THSD4: variants seen among roughly 807,000 people sequenced by gnomAD.
The protein encoded by THSD4 is thrombospondin type-1 domain-containing protein 4.
In THSD4, 69 loss-of-function variants were observed where a neutral mutation model predicts 119.0. That is an observed-to-expected ratio of 0.58 (90% CI 0.48 to 0.71). The LOEUF is 0.71. Ranked by LOEUF, THSD4 falls within the 30% of genes least tolerant of loss-of-function variation. The pLI, the probability that THSD4 is intolerant of heterozygous loss-of-function variation, is 0.00. For missense variants in THSD4, 1,393 were observed against 1,391.1 expected, an observed-to-expected ratio of 1.00 and a Z score of -0.02; for synonymous variants, 524 against 540.4, an observed-to-expected ratio of 0.97 and a Z score of 0.42.
At chr15:71,387,179 T>G (rs1231667772) in intron 6 of THSD4, among the ~76,000 whole-genome samples, 1 of 151,810 alleles carries the variant, frequency 6.6e-6, no homozygotes, top group Non-Finnish European at 1.5e-5. Context: ...CGCTGGAAAC[T>G]ACCTGCTAGG....
intron 7 of THSD4, among the ~76,000 whole-genome samples, chr15:71,458,888 T>C (rs966660351): frequency 2.6e-5 from 4 of 152,178 alleles, no homozygotes; most frequent in African/African-American, 9.7e-5. Context: ...CAAAAACTTA[T>C]TTACCCTTTA....
At chr15:71,377,173 A>G (rs1273551697) in intron 6 of THSD4, among the ~76,000 whole-genome samples, 2 of 152,246 alleles carry the variant, frequency 1.3e-5, no homozygotes, top group South Asian at 4.1e-4. Context: ...AGAAGAGTCA[A>G]GGTGACTGGA....
Position 71,395,948 on chromosome 15 carries a change from CACACAA to C in THSD4, c.1016-15733_1016-15728del, listed in dbSNP as rs1459175905. ...ACACACACACACACACACACACACA[CACACAA>C]ACACAGACTTTGTTGAGCACATGGC... On this transcript the variant is annotated intron_variant, in intron 6 of 17. Coordinates refer to ENST00000261862, the MANE Select transcript of THSD4 (RefSeq NM_024817.3). Among the ~76,000 whole-genome samples the C allele has an allele frequency of 7.1e-4, 107 of 149,722 alleles. 1 individual carries two copies. The highest frequency in any genetic ancestry group is 1.8e-3 in the African/African-American group (75 of 40,850).
intron 4 of THSD4, among the ~76,000 whole-genome samples, chr15:71,235,665 G>A (rs1567165110): frequency 7.0e-6 from 1 of 142,400 alleles, no homozygotes; most frequent in Non-Finnish European, 1.5e-5. Flanking sequence ...TCAGCTCACT[G>A]CCACCTCCGC....
intron 11 of THSD4, among the ~76,000 whole-genome samples, chr15:71,742,300 G>A (rs1187419891): frequency 6.6e-6 from 1 of 152,158 alleles, no homozygotes; most frequent in Non-Finnish European, 1.5e-5. Flanking sequence ...ATCCAAGAGT[G>A]GTCCATACTC....
chr15:71,273,530 A>C (rs1189848864), intron 6 of THSD4, among the ~76,000 whole-genome samples: 1 of 152,208 alleles, frequency 6.6e-6, no homozygotes, highest in Admixed American at 6.5e-5. Flanking sequence ...TTGCTAAAAG[A>C]GTAGATTCTA....
At chr15:71,627,766 T>C (rs1201462032) in intron 7 of THSD4, among the ~76,000 whole-genome samples, 2 of 152,198 alleles carry the variant, frequency 1.3e-5, no homozygotes, top group African/African-American at 2.4e-5. Context: ...AGAGATTTTT[T>C]CCAGTTGAGC....
chr15:71,514,179 C>T (rs1352599607), intron 7 of THSD4, among the ~76,000 whole-genome samples: 1 of 152,154 alleles, frequency 6.6e-6, no homozygotes, highest in Non-Finnish European at 1.5e-5. Flanking sequence ...GAACGAGGCA[C>T]AGCAGCTGGG....
chr15:71,411,240 A>T (rs1044736840), intron 6 of THSD4, among the ~76,000 whole-genome samples: 2 of 152,214 alleles, frequency 1.3e-5, no homozygotes, highest in Non-Finnish European at 1.5e-5. Context: ...TTCACTCAGC[A>T]CTGTATCACT....
intron 7 of THSD4, among the ~76,000 whole-genome samples, chr15:71,420,943 T>C (rs1408256558): frequency 1.9e-5 from 2 of 103,600 alleles, no homozygotes; most frequent in African/African-American, 6.6e-5. Flanking sequence ...TCCTAGCACT[T>C]TGGGATCACT....
chr15:71,322,185 C>G (rs1383171973), intron 6 of THSD4, among the ~76,000 whole-genome samples: 1 of 151,692 alleles, frequency 6.6e-6, no homozygotes, highest in African/African-American at 2.4e-5. Context: ...AGGAAATGAC[C>G]CCTTGGTCTC....
At chr15:71,630,931 G>T (rs1455943196) in intron 7 of THSD4, among the ~76,000 whole-genome samples, 2 of 152,138 alleles carry the variant, frequency 1.3e-5, no homozygotes, top group Non-Finnish European at 2.9e-5. Context: ...GCTGTCCTGT[G>T]CGTTGTAGGA....
chr15:71,553,459 GGA>G lies in THSD4; in HGVS notation c.1153-107070_1153-107069del, dbSNP rs1359883390. On this transcript the variant is annotated intron_variant, in intron 7 of 17. Coordinates refer to ENST00000261862, the MANE Select transcript of THSD4 (RefSeq NM_024817.3). The stretch of plus-strand genomic sequence containing the variant: ...TCCTGCCTCAGCCTCCTGAGTAGCT[GGA>G]ATTACAGGTTTTGTGCCACCACACC... Among the ~76,000 whole-genome samples, 9 of 151,850 alleles carry G rather than the reference GGA, an allele frequency of 5.9e-5. No individual in the cohort carries two copies. In the East Asian group the frequency reaches 7.7e-4, roughly 13 times the overall value.
chr15:71,698,698 G>C (rs773743073), intron 8 of THSD4, among the ~76,000 whole-genome samples: 2 of 145,444 alleles, frequency 1.4e-5, no homozygotes, highest in African/African-American at 5.3e-5. Flanking sequence ...TCATCCATTC[G>C]TCTATACACA....
At chr15:71,354,234 G>A (rs536648230) in intron 6 of THSD4, among the ~76,000 whole-genome samples, 2 of 152,322 alleles carry the variant, frequency 1.3e-5, no homozygotes, top group African/African-American at 4.8e-5. Flanking sequence ...GGTTGAGGCT[G>A]CAGTGAGCCA....
At chr15:71,677,868 C>G (rs1223097735) in intron 8 of THSD4, among the ~76,000 whole-genome samples, 1 of 152,218 alleles carries the variant, frequency 6.6e-6, no homozygotes, top group Non-Finnish European at 1.5e-5. Context: ...TTTTCCTACA[C>G]TTAATGTGAT....
At position 71,300,659 on chromosome 15, in the gene THSD4, C is replaced by G. The variant is rs569653699; in HGVS notation, c.1015+43944C>G. ...AGATGCTGTAGTATAAGAGTAAAAA[C>G]TATAGTAAAAATCTAGAATGTATAA... On this transcript the variant is annotated intron_variant, in intron 6 of 17. Coordinates refer to ENST00000261862, the MANE Select transcript of THSD4 (RefSeq NM_024817.3). Among the ~76,000 whole-genome samples the G allele has an allele frequency of 2.0e-5, 3 of 152,296 alleles. No individual in the cohort carries two copies. The South Asian group carries it at 6.2e-4, about 32-fold the overall frequency.
At chr15:71,705,195 A>G (rs990604501) in intron 8 of THSD4, among the ~76,000 whole-genome samples, 1 of 152,130 alleles carries the variant, frequency 6.6e-6, no homozygotes, top group South Asian at 2.1e-4. Flanking sequence ...GGCCAGAGGG[A>G]TGGGCACCCG....
chr15:71,172,712 T>C (rs2043390396), intron 3 of THSD4, among the ~76,000 whole-genome samples: 1 of 115,538 alleles, frequency 8.7e-6, no homozygotes. Context: ...TATATATATA[T>C]ATATATATAT....
Sources: allele counts gnomAD v4.1 joint callset (sites outside exome capture counted in the v4.1 genomes callset), GRCh38; gene constraint gnomAD v4.1.1; transcripts MANE v1.5; gene names NCBI Gene and HGNC (gene_info 2026-07-23, HGNC 2026-07-21).